Variants in NDST4 observed in about 807,000 individuals in gnomAD.
NDST4 encodes N-heparan sulfate sulfotransferase 4.
In NDST4, 63 loss-of-function variants were observed where a neutral mutation model predicts 100.8. The observed-to-expected ratio is 0.62, with a 90% CI of 0.51 to 0.77. The LOEUF (loss-of-function observed/expected upper bound fraction) is 0.77. Ranked by LOEUF, NDST4 falls within the 30% of genes least tolerant of loss-of-function variation. The pLI is 0.00. For missense variants in NDST4, 943 were observed against 1,018.4 expected, an observed-to-expected ratio of 0.93 and a Z score of 1.01; for synonymous variants, 377 against 361.8, an observed-to-expected ratio of 1.04 and a Z score of -0.48.
At chr4:115,050,718 C>G (rs1728564452) in intron 2 of NDST4, among the ~76,000 whole-genome samples, 1 of 152,080 alleles carries the variant, frequency 6.6e-6, no homozygotes, top group South Asian at 2.1e-4. Context: ...GAAACAGGCA[C>G]AGTTTGTGAG....
chr4:115,044,873 G>A lies in NDST4; in HGVS notation c.978+31186C>T, dbSNP rs577460353. 7.9e-5 allele frequency among the ~76,000 whole-genome samples: 12 copies of A among 151,228 alleles called. 1 individual carries two copies. Among genetic ancestry groups the A allele is most frequent in the South Asian group, 4.2e-4 (2 of 4,754 alleles). On this transcript the variant is annotated intron_variant, in intron 2 of 13. Coordinates refer to ENST00000264363, the MANE Select transcript of NDST4 (RefSeq NM_022569.3). Reference sequence around the variant, plus strand: ...GATGTTTAAACCAATTAATAATCACGGAAATTCAAATCTGATTAAAATGAA... The same window carrying A: ...GATGTTTAAACCAATTAATAATCACAGAAATTCAAATCTGATTAAAATGAA...
At chr4:114,925,819 T>A (rs1329813172) in intron 6 of NDST4, among the ~76,000 whole-genome samples, 2 of 152,134 alleles carry the variant, frequency 1.3e-5, no homozygotes, top group African/African-American at 4.8e-5. Flanking sequence ...AACATATTTG[T>A]CAAGAAAACA....
At chr4:114,932,602 A>G (rs1389754135) in intron 6 of NDST4, among the ~76,000 whole-genome samples, 2 of 152,032 alleles carry the variant, frequency 1.3e-5, no homozygotes, top group Non-Finnish European at 2.9e-5. Context: ...AAAACTCTAA[A>G]TATTCCTTGA....
chr4:115,006,517 A>G (rs2620423), intron 2 of NDST4, among the ~76,000 whole-genome samples: 52,155 of 152,022 alleles, frequency 0.34, 9,067 homozygotes, highest in Middle Eastern at 0.49. Context: ...TTAATATAGG[A>G]GAGAAGTCAA....
chr4:114,957,697 A>G (rs553925876), intron 4 of NDST4, among the ~76,000 whole-genome samples: 1 of 152,316 alleles, frequency 6.6e-6, no homozygotes, highest in Admixed American at 6.5e-5. Flanking sequence ...TAAAATCAAA[A>G]GCAAATTATT....
At chr4:114,921,052 CCA>C (rs1325307945) in intron 6 of NDST4, among the ~76,000 whole-genome samples, 1 of 152,100 alleles carries the variant, frequency 6.6e-6, no homozygotes, top group Non-Finnish European at 1.5e-5. Context: ...TAAACTTCTG[CCA>C]CAGTCAGTGT....
At chr4:115,011,910 T>G (rs1727555511) in intron 2 of NDST4, among the ~76,000 whole-genome samples, 1 of 151,948 alleles carries the variant, frequency 6.6e-6, no homozygotes, top group South Asian at 2.1e-4. Flanking sequence ...AATGCTTTGT[T>G]AATTTAACAA....
intron 2 of NDST4, among the ~76,000 whole-genome samples, chr4:115,022,445 G>T (rs1403828307): frequency 6.7e-6 from 1 of 148,750 alleles, no homozygotes; most frequent in Non-Finnish European, 1.5e-5. Flanking sequence ...ATATATATGT[G>T]TTCCATATAT....
At chr4:115,036,917 T>C (rs1200973097) in intron 2 of NDST4, among the ~76,000 whole-genome samples, 2 of 152,034 alleles carry the variant, frequency 1.3e-5, no homozygotes, top group East Asian at 1.9e-4. Context: ...ATAAAATGGG[T>C]TAAATAAAAA....
At chr4:115,034,591 T>C (rs569389457) in intron 2 of NDST4, among the ~76,000 whole-genome samples, 74 of 152,252 alleles carry the variant, frequency 4.9e-4, no homozygotes, top group South Asian at 3.3e-3. Context: ...TTTAAAGATA[T>C]ATGTTTACCT....
intron 6 of NDST4, among the ~76,000 whole-genome samples, chr4:114,878,788 T>C (rs1724308608): frequency 6.6e-6 from 1 of 152,004 alleles, no homozygotes; most frequent in South Asian, 2.1e-4. Flanking sequence ...AAAATAAATT[T>C]AGAATAATTA....
chr4:114,987,733 A>G (rs1726944264), intron 2 of NDST4, among the ~76,000 whole-genome samples: 1 of 152,226 alleles, frequency 6.6e-6, no homozygotes, highest in Non-Finnish European at 1.5e-5. Context: ...AAGTCCTTTG[A>G]TAGGAAAAAT....
At chr4:114,840,282 G>T (rs1483123936) in intron 10 of NDST4, among the ~76,000 whole-genome samples, 1 of 152,100 alleles carries the variant, frequency 6.6e-6, no homozygotes. Context: ...ACAGGAAAGG[G>T]CCCAGCTCAG....
chr4:114,895,766 C>T (rs1031519215), intron 6 of NDST4, among the ~76,000 whole-genome samples: 21 of 151,992 alleles, frequency 1.4e-4, no homozygotes, highest in Admixed American at 9.2e-4. Flanking sequence ...TCCAGCAGCA[C>T]ATATATAACT....
intron 1 of NDST4, among the ~76,000 whole-genome samples, chr4:115,108,912 T>G (rs1028352436): frequency 4.0e-5 from 6 of 150,094 alleles, no homozygotes; most frequent in Non-Finnish European, 7.4e-5. Context: ...CAAGAGAGCA[T>G]GTAAGCTGAA....
chr4:115,085,401 G>T (rs1729389917), intron 1 of NDST4, among the ~76,000 whole-genome samples: 1 of 152,056 alleles, frequency 6.6e-6, no homozygotes, highest in African/African-American at 2.4e-5. Context: ...CTGTTGGAAG[G>T]GTAAAATGTG....
At chr4:114,852,277 T>A (rs148867118) in intron 8 of NDST4, among the ~76,000 whole-genome samples, 1 of 152,254 alleles carries the variant, frequency 6.6e-6, no homozygotes, top group African/African-American at 2.4e-5. Context: ...ATATGTAAAA[T>A]ATTTGAAAGT....
chr4:114,986,822 AT>A (rs2126249600), intron 2 of NDST4, among the ~76,000 whole-genome samples: 1 of 72,534 alleles, frequency 1.4e-5, no homozygotes, highest in African/African-American at 4.4e-5. Flanking sequence ...ATATATATAT[AT>A]ATATATATAT....
intron 7 of NDST4, among the ~76,000 whole-genome samples, chr4:114,865,567 AC>A (rs1191103827): frequency 6.6e-6 from 1 of 152,236 alleles, no homozygotes; most frequent in Admixed American, 6.5e-5. Flanking sequence ...TCTGTAAGGC[AC>A]AAACAAAAAA....
Sources: allele counts gnomAD v4.1 joint callset (sites outside exome capture counted in the v4.1 genomes callset), GRCh38; gene constraint gnomAD v4.1.1; transcripts MANE v1.5; gene names NCBI Gene and HGNC (gene_info 2026-07-23, HGNC 2026-07-21).